Variants in MAOB observed in about 807,000 individuals in gnomAD.
MAOB encodes monoamine oxidase B.
Under a neutral mutation model 41.9 loss-of-function variants are expected in MAOB, and 15 were observed. The ratio of observed to expected loss-of-function variants is 0.36; its 90% CI spans 0.24 to 0.55. MAOB has a LOEUF of 0.55. Ranked by LOEUF, MAOB falls within the 20% of genes least tolerant of loss-of-function variation. MAOB has a pLI of 0.86. For synonymous variants in MAOB, 167 were observed against 144.2 expected, an observed-to-expected ratio of 1.16 and a Z score of -1.13; for missense variants, 345 against 398.7, an observed-to-expected ratio of 0.87 and a Z score of 1.15.
intron 11 of MAOB, among the ~76,000 whole-genome samples, chrX:43,775,994 A>T (rs934119614): frequency 6.2e-5 from 7 of 112,629 alleles, no homozygotes; most frequent in African/African-American, 2.3e-4. Context: ...AATTGCAATC[A>T]CACAGCTGAC....
chrX:43,767,557 C>T lies in MAOB; in HGVS notation c.1472G>A (p.Gly491Asp), dbSNP rs746227085. 1.5e-5 allele frequency: 18 copies of T among 1,210,333 alleles called. No homozygotes were observed. The South Asian group carries it at 3.2e-4, about 21-fold the overall frequency. ...GGTCAATCCAATCAGCCTGAGCAGG[C>T]CTGGCACGGAGGGCAAATGTCTCTC... is the stretch of plus-strand genomic sequence containing the variant. ...FLERHLPSVPGLLRLIGLTTI... is the reference protein window; with the variant it reads ...FLERHLPSVPDLLRLIGLTTI... The change falls in exon 15 of 15, where the codon GGC (glycine) becomes GAC (aspartate). Residue 491 changes from glycine to aspartate, a missense_variant. Physicochemically the swap from Gly to Asp is moderately conservative, Grantham distance 94. Transcript: ENST00000378069.
chrX:43,805,964 T>C (rs928982872), intron 3 of MAOB, among the ~76,000 whole-genome samples: 19 of 112,825 alleles, frequency 1.7e-4, no homozygotes, highest in Non-Finnish European at 3.4e-4. Flanking sequence ...AAATATAGTT[T>C]CTATTTGTTT....
chrX:43,795,907 G>A lies in MAOB; in HGVS notation c.619-19C>T. On this transcript the variant is annotated intron_variant, in intron 6 of 14. Transcript: ENST00000378069. ...TCCTCTCCTGGAAAGAGAAAAGGAG[G>A]TGAAAGAGAAACGCAGGAATGGGCA... is the stretch of plus-strand genomic sequence containing the variant. The A allele has an allele frequency of 8.3e-7, 1 of 1,199,119 alleles. No individual in the cohort carries two copies. Among genetic ancestry groups the A allele is most frequent in the Non-Finnish European group, 1.1e-6 (1 of 889,876 alleles).
At position 43,843,723 on chromosome X, in the gene MAOB, C is replaced by T; in HGVS notation, c.88G>A (p.Val30Met). Residue 30 changes from valine (V) to methionine (M), a missense_variant, in exon 2 of 15, where the codon GTG becomes ATG. Val to Met is a conservative substitution (Grantham distance 21). Coordinates refer to ENST00000378069, the MANE Select transcript of MAOB (RefSeq NM_000898.5). ...CGGTCCCGGGCTTCCAGAACAACCA[C>T]ATTCAGTCCAGAGTCATGCAGAAGT... is the stretch of plus-strand genomic sequence containing the variant. ...AKLLHDSGLNVVVLEARDRVG... is the reference protein window; with the variant it reads ...AKLLHDSGLNMVVLEARDRVG... The T allele has an allele frequency of 8.3e-7, 1 of 1,211,136 alleles. No homozygotes were observed. The highest frequency in any genetic ancestry group is 1.1e-6 in the Non-Finnish European group (1 of 895,228).
intron 2 of MAOB, among the ~76,000 whole-genome samples, chrX:43,842,092 C>G (rs967521244): frequency 8.9e-6 from 1 of 111,909 alleles, no homozygotes; most frequent in African/African-American, 3.2e-5. Flanking sequence ...AACTACAAAG[C>G]TCCTGCACAG....
In MAOB at chrX:43,803,365, A is replaced by G. The variant is rs774521579; in HGVS notation, c.319T>C (p.Trp107Arg). The G allele has an allele frequency of 8.5e-7, 1 of 1,172,274 alleles. No individual in the cohort carries two copies. Among genetic ancestry groups the G allele is most frequent in the Admixed American group, 2.7e-5 (1 of 36,873 alleles). ...TGATCTAAGTAGGTAATTGGATTCC[A>G]TACAGGTGGGAATGGCCCCCTGAAG... is the stretch of plus-strand genomic sequence containing the variant. ...YPFRGPFPPVWNPITYLDHNN... is the reference protein window; with the variant it reads ...YPFRGPFPPVRNPITYLDHNN... Residue 107 changes from tryptophan (W) to arginine (R), a missense_variant, in exon 4 of 15, where the codon TGG becomes CGG. Trp to Arg is a moderately radical substitution (Grantham distance 101). Coordinates refer to ENST00000378069, the MANE Select transcript of MAOB (RefSeq NM_000898.5).
chrX:43,768,703 A>G lies in MAOB; in HGVS notation c.1361T>C (p.Met454Thr). The G allele has an allele frequency of 8.3e-7, 1 of 1,207,445 alleles. No homozygotes were observed. Among genetic ancestry groups the G allele is most frequent in the Non-Finnish European group, 1.1e-6 (1 of 891,980 alleles). The change falls in exon 14 of 15, where the codon ATG (methionine) becomes ACG (threonine). Residue 454 changes from methionine (M) to threonine (T), a missense_variant. By Grantham distance (81) the Met-to-Thr change is moderately conservative (BLOSUM62 -1). Coordinates refer to ENST00000378069, the MANE Select transcript of MAOB (RefSeq NM_000898.5). ...GATTTCATCCTCTGGAATCTTCCCC[A>G]TGGCATGCAGGATCTGAAATGAAAG... ...ERAAREILHA[M>T]GKIPEDEIWQ...
rs7067027 is a variant in MAOB at position 43,785,043 on chromosome X, G to T, written c.929-3499C>A. 8.9e-3 allele frequency among the ~76,000 whole-genome samples: 996 copies of T among 112,528 alleles called. 12 individuals are homozygous for T. The highest frequency in any genetic ancestry group is 0.031 in the African/African-American group (958 of 30,995). On this transcript the variant is annotated intron_variant, in intron 8 of 14. Transcript: ENST00000378069. ...TGTGACTGTAACCCCAGCTACACGGGAGGCTGAGGCAGGAGAATCACTTGA... is the reference window on the plus strand; with the variant it reads ...TGTGACTGTAACCCCAGCTACACGGTAGGCTGAGGCAGGAGAATCACTTGA...
Position 43,857,162 on chromosome X carries a change from G to GA in MAOB, c.47-13399dup, listed in dbSNP as rs1196441154. Among the ~76,000 whole-genome samples, 37 of 53,864 alleles carry GA rather than the reference G, an allele frequency of 6.9e-4. 1 individual carries two copies. Among genetic ancestry groups the GA allele is most frequent in the South Asian group, 6.1e-3 (4 of 659 alleles). The allele number at this position is 53,864 out of a possible 115,157, so 46.8% of individuals were successfully genotyped here. A position where few individuals can be genotyped will look rare whatever the true frequency, so the allele number is the denominator to read the frequency against. On this transcript the variant is annotated intron_variant, in intron 1 of 14. Coordinates refer to ENST00000378069, the MANE Select transcript of MAOB (RefSeq NM_000898.5). ...AGAGAGAGAGAGAGAGAGAGAGAGAGAGAAGAAGAGAGAGAGAGAGAGAGA... is the reference window on the plus strand; with the variant it reads ...AGAGAGAGAGAGAGAGAGAGAGAGAGAAGAAGAAGAGAGAGAGAGAGAGAGA...
At position 43,797,257 on chromosome X, in the gene MAOB, C is replaced by G; in HGVS notation, c.486G>C (p.Lys162Asn). ...LDKLCWTESA[K>N]QLATLFVNLC... The stretch of plus-strand genomic sequence containing the variant: ...GGTTCACAAAGAGAGTGGCAAGCTG[C>G]TTTGCAGATCTGCACAGGAAGAAAC... The change falls in exon 6 of 15, where the codon AAG becomes AAC. Residue 162 changes from lysine (K) to asparagine (N), a missense_variant. By Grantham distance (94) the Lys-to-Asn change is moderately conservative (BLOSUM62 0). Transcript: ENST00000378069. 8.4e-7 allele frequency: 1 copy of G among 1,190,856 alleles called. No individual in the cohort carries two copies. The highest frequency in any genetic ancestry group is 1.7e-5 in the African/African-American group (1 of 57,367).
chrX:43,812,227 C>T (rs113798768), intron 3 of MAOB, among the ~76,000 whole-genome samples: 2 of 112,152 alleles, frequency 1.8e-5, no homozygotes, highest in South Asian at 3.7e-4. Flanking sequence ...TACCGCATTT[C>T]GTTTATCCAT....
At chrX:43,878,016 T>C (rs892596581) in intron 1 of MAOB, among the ~76,000 whole-genome samples, 1 of 112,072 alleles carries the variant, frequency 8.9e-6, no homozygotes, top group Non-Finnish European at 1.9e-5. Context: ...TCCAAAAAGG[T>C]AGAGTAAGGC....
At chrX:43,855,179 C>T (rs1159152314) in intron 1 of MAOB, among the ~76,000 whole-genome samples, 2 of 111,671 alleles carry the variant, frequency 1.8e-5, no homozygotes, top group East Asian at 5.6e-4. Flanking sequence ...TTCCTTAAGA[C>T]CTTAATAGCA....
chrX:43,865,359 G>C (rs1359961504), intron 1 of MAOB, among the ~76,000 whole-genome samples: 1 of 112,064 alleles, frequency 8.9e-6, no homozygotes, highest in Non-Finnish European at 1.9e-5. Flanking sequence ...CAAACATCTA[G>C]AGACAGAAAG....
Position 43,789,342 on chromosome X carries a change from C to A in MAOB, c.928+4077G>T, listed in dbSNP as rs780003163. On this transcript the variant is annotated intron_variant, in intron 8 of 14. Transcript: ENST00000378069. ...AACAGTGGCCCTCTAGGGGGAGGAA[C>A]AATAGAAGAGAAACATTTTTCACAT... Among the ~76,000 whole-genome samples the A allele has an allele frequency of 3.6e-5, 4 of 111,930 alleles. No homozygotes were observed. The South Asian group carries it at 1.5e-3, about 42-fold the overall frequency.
Position 43,795,751 on chromosome X carries a change from A to G in MAOB, c.756T>C (p.His252=), listed in dbSNP as rs771409298. ...ATATCACAGTTACCTCATACATCTC[A>G]TGGTTTAGGGTCTCCACAAGGACAT... ...RENVLVETLN[H]EMYEAKYVIS... is the part of the protein sequence containing the mutation. Residue 252 remains histidine (H), a synonymous_variant, in exon 7 of 15, where the codon CAT becomes CAC. Transcript: ENST00000378069. 1.7e-6 allele frequency: 2 copies of G among 1,203,162 alleles called. No individual in the cohort carries two copies. The highest frequency in any genetic ancestry group is 2.2e-6 in the Non-Finnish European group (2 of 889,911).
intron 3 of MAOB, among the ~76,000 whole-genome samples, chrX:43,816,849 G>A (rs962026700): frequency 1.8e-5 from 2 of 111,670 alleles, no homozygotes; most frequent in Admixed American, 1.9e-4. Context: ...CATTGCTGAT[G>A]TGCTGTGCCA....
intron 8 of MAOB, among the ~76,000 whole-genome samples, chrX:43,786,036 G>A (rs1305143901): frequency 9.0e-6 from 1 of 111,706 alleles, no homozygotes; most frequent in Non-Finnish European, 1.9e-5. Flanking sequence ...TCAGTGCAGG[G>A]TTGCCACAAA....
intron 2 of MAOB, among the ~76,000 whole-genome samples, chrX:43,842,774 A>C: frequency 8.9e-6 from 1 of 111,959 alleles, no homozygotes; most frequent in East Asian, 2.8e-4. Flanking sequence ...TTGGGACAAC[A>C]TAGATGAATT....
Sources: gnomAD v4.1 joint callset for allele counts (sites outside exome capture counted in the v4.1 genomes callset) on GRCh38, gnomAD v4.1.1 for gene constraint, MANE v1.5 for transcripts, NCBI Gene and HGNC (gene_info 2026-07-23, HGNC 2026-07-21) for gene names.